The following NUFIP2 variants were observed in gnomAD, a reference collection of about 807,000 sequenced individuals.
The protein encoded by NUFIP2 is FMR1-interacting protein NUFIP2.
Under a neutral mutation model 56.9 loss-of-function variants are expected in NUFIP2, and 6 were observed. The ratio of observed to expected loss-of-function variants is 0.11; its 90% CI spans 0.06 to 0.21. The LOEUF is 0.21. Among genes scored for constraint, NUFIP2 ranks in the 10% least tolerant of loss-of-function variants. NUFIP2 has a pLI of 1.00. For missense variants in NUFIP2, 828 were observed against 826.8 expected, an observed-to-expected ratio of 1.00 and a Z score of -0.02; for synonymous variants, 321 against 298.2, an observed-to-expected ratio of 1.08 and a Z score of -0.79.
chr17:29,268,163 T>TG (rs1366868820), intron 2 of NUFIP2, among the ~76,000 whole-genome samples: 9 of 152,202 alleles, frequency 5.9e-5, no homozygotes, highest in Non-Finnish European at 4.4e-5. Flanking sequence ...CCTCCTAAAA[T>TG]GCTGGGATCA....
rs922684597 is a variant in NUFIP2, at chr17:29,273,619, G to A, written c.2003-6089C>T. ...ATATTTATTGAGAAATGCTCACAGG[G>A]CCAGACCTAATAGAACGTAAGTAAA... On this transcript the variant is annotated intron_variant, in intron 2 of 3. Transcript: ENST00000225388. Among the ~76,000 whole-genome samples the A allele has an allele frequency of 3.3e-5, 5 of 152,230 alleles. No homozygotes were observed. In the South Asian group the frequency reaches 8.3e-4, roughly 25 times the overall value.
In NUFIP2 at chr17:29,293,820, G is replaced by C. The variant is rs534274550; in HGVS notation, c.240C>G (p.Thr80=). Residue 80 remains threonine, a synonymous_variant, in exon 1 of 4, where the codon ACC becomes ACG. Coordinates refer to ENST00000225388, the MANE Select transcript of NUFIP2 (RefSeq NM_020772.3). ...TCGGCGTTTCCTGGTGCTGCTGGAG[G>C]GTGTGTTTCTGCTCATGTTTCAGCG... ...PKPLKHEQKH[T]LQQHQETPKK... 6.2e-7 allele frequency: 1 copy of C among 1,603,156 alleles called. No individual in the cohort carries two copies. The highest frequency in any genetic ancestry group is 8.5e-7 in the Non-Finnish European group (1 of 1,172,252).
intron 3 of NUFIP2, 21 bp from the exon 4 acceptor site, chr17:29,264,612 A>G (rs1288800416): frequency 1.4e-6 from 2 of 1,479,642 alleles, no homozygotes; most frequent in Non-Finnish European, 1.9e-6. Flanking sequence ...TAAAAAAATA[A>G]ATAAAAATAA....
At chr17:29,271,098 A>T (rs2069069408) in intron 2 of NUFIP2, among the ~76,000 whole-genome samples, 1 of 152,246 alleles carries the variant, frequency 6.6e-6, no homozygotes, top group Non-Finnish European at 1.5e-5. Context: ...CTATACATTT[A>T]AAAATGATTT....
intron 2 of NUFIP2, among the ~76,000 whole-genome samples, chr17:29,281,686 CT>C (rs1293995310): frequency 3.4e-5 from 3 of 87,016 alleles, no homozygotes; most frequent in Non-Finnish European, 4.2e-5. Context: ...GATCCTGTCT[CT>C]TTAAAAAAAA....
At position 29,294,123 on chromosome 17, in the gene NUFIP2, C is replaced by T. The variant is rs1011445521; in HGVS notation, c.-64G>A. 6.5e-7 allele frequency: 1 copy of T among 1,529,516 alleles called. No individual in the cohort carries two copies. The highest frequency in any genetic ancestry group is 1.9e-5 in the Admixed American group (1 of 51,322). 94.7% of individuals were successfully genotyped at this position (1,529,516 alleles called of 1,614,324 possible). On this transcript the variant is annotated 5_prime_UTR_variant, in exon 1 of 4. Transcript: ENST00000225388. ...GCTGCACCGTCAGGATCTGAGACTG[C>T]TTCTCAGGGCTCACTCAGTATATCT...
chr17:29,282,368 G>A (rs1168356614), intron 2 of NUFIP2, among the ~76,000 whole-genome samples: 1 of 151,666 alleles, frequency 6.6e-6, no homozygotes, highest in Non-Finnish European at 1.5e-5. Flanking sequence ...GACCAACACG[G>A]TAAAACCCTG....
chr17:29,285,602 C>CACAAA (rs895191924), intron 2 of NUFIP2, among the ~76,000 whole-genome samples: 1 of 151,724 alleles, frequency 6.6e-6, no homozygotes, highest in Admixed American at 6.6e-5. Context: ...AGAAAAAAAA[C>CACAAA]ACAAAACAAA....
At chr17:29,265,967 A>G (rs999587570) in intron 3 of NUFIP2, among the ~76,000 whole-genome samples, 13 of 152,132 alleles carry the variant, frequency 8.5e-5, no homozygotes, top group Admixed American at 1.3e-4. Flanking sequence ...TTTGCAGGGT[A>G]TATTTTCTTT....
chr17:29,278,725 A>G (rs1319411027), intron 2 of NUFIP2, among the ~76,000 whole-genome samples: 1 of 152,098 alleles, frequency 6.6e-6, no homozygotes. Flanking sequence ...TTTCCCTCAC[A>G]CTCAGGACTT....
rs1266044861 is a variant in NUFIP2 at position 29,261,647 on chromosome 17, T to A, written c.*2892A>T. 3 of 152,558 alleles carry A rather than the reference T, an allele frequency of 2.0e-5. No individual in the cohort carries two copies. The highest frequency in any genetic ancestry group is 1.9e-4 in the East Asian group (1 of 5,202). The allele number at this position is 152,558 out of a possible 1,614,324, so 9.5% of individuals were successfully genotyped here. On this transcript the variant is annotated 3_prime_UTR_variant, in exon 4 of 4. Transcript: ENST00000225388. ...CAGATCAACTCTTAAGATTTTTTTT[T>A]AATAAGTGCTCTGTAAGGAATTGTG... is the stretch of plus-strand genomic sequence containing the variant.
In NUFIP2 at chr17:29,263,093, T is replaced by C. The variant is rs1567674593; in HGVS notation, c.*1446A>G. On this transcript the variant is annotated 3_prime_UTR_variant, in exon 4 of 4. Transcript: ENST00000225388. ...TATTTTAACCTGTATTTGACATACA[T>C]GGATATACTAATTTCTGTGTGTGTG... 1 of 152,582 alleles carries C rather than the reference T, an allele frequency of 6.6e-6. No individual in the cohort carries two copies. Among genetic ancestry groups the C allele is most frequent in the Admixed American group, 6.5e-5 (1 of 15,270 alleles). 9.5% of individuals were successfully genotyped at this position (152,582 alleles called of 1,614,324 possible).
At position 29,260,616 on chromosome 17, in the gene NUFIP2, G is replaced by C. The variant is rs926461898; in HGVS notation, c.*3923C>G. The stretch of plus-strand genomic sequence containing the variant: ...AGCAATTACAAAAGATAAATCATTA[G>C]ATGCCTCTGATGTGGGGAAGCAACA... On this transcript the variant is annotated 3_prime_UTR_variant, in exon 4 of 4. Transcript: ENST00000225388. The C allele has an allele frequency of 1.3e-5, 2 of 152,132 alleles. No homozygotes were observed. The highest frequency in any genetic ancestry group is 2.4e-5 in the African/African-American group (1 of 41,422). 9.4% of individuals were successfully genotyped at this position (152,132 alleles called of 1,614,324 possible).
At chr17:29,272,480 TCTGCCCGCC>T (rs1440242849) in intron 2 of NUFIP2, among the ~76,000 whole-genome samples, 2 of 152,154 alleles carry the variant, frequency 1.3e-5, no homozygotes, top group Non-Finnish European at 2.9e-5. Flanking sequence ...GACCTTGTGA[TCTGCCCGCC>T]CTGGCCTCCC....
intron 2 of NUFIP2, among the ~76,000 whole-genome samples, chr17:29,274,909 T>C (rs990686203): frequency 1.3e-5 from 2 of 152,124 alleles, no homozygotes; most frequent in Non-Finnish European, 2.9e-5. Flanking sequence ...AAAATTGGGT[T>C]AATGCTAATT....
rs761353063 is a variant in NUFIP2 at position 29,258,956 on chromosome 17, G to T, written c.*5583C>A. On this transcript the variant is annotated 3_prime_UTR_variant, in exon 4 of 4. Transcript: ENST00000225388. ...AGATCATGAAAGGATCCTCCTCTAT[G>T]AAGGATAAATGAAAACAGATTAATA... 4.6e-5 allele frequency: 7 copies of T among 152,134 alleles called. No individual in the cohort carries two copies. Among genetic ancestry groups the T allele is most frequent in the Non-Finnish European group, 1.0e-4 (7 of 68,022 alleles). 9.4% of individuals were successfully genotyped at this position (152,134 alleles called of 1,614,324 possible). A position where few individuals can be genotyped will look rare whatever the true frequency, so the allele number is the denominator to read the frequency against.
chr17:29,261,582 C>T lies in NUFIP2; in HGVS notation c.*2957G>A, dbSNP rs536974611. 2.0e-5 allele frequency: 3 copies of T among 152,510 alleles called. No individual in the cohort carries two copies. The South Asian group carries it at 6.2e-4, about 32-fold the overall frequency. The allele number at this position is 152,510 out of a possible 1,614,324, so 9.4% of individuals were successfully genotyped here. On this transcript the variant is annotated 3_prime_UTR_variant, in exon 4 of 4. Transcript: ENST00000225388. ...TTTAAATGTGCTAAATTAATCACAGCTGAAGTTTGTTTAGAAGCTTACACA... is the reference window on the plus strand; with the variant it reads ...TTTAAATGTGCTAAATTAATCACAGTTGAAGTTTGTTTAGAAGCTTACACA...
intron 3 of NUFIP2, among the ~76,000 whole-genome samples, chr17:29,266,761 GA>G (rs542902593): frequency 1.3e-5 from 2 of 151,232 alleles, no homozygotes; most frequent in African/African-American, 4.9e-5. Flanking sequence ...ACCAGGAGGG[GA>G]AAAAAATCAT....
intron 2 of NUFIP2, among the ~76,000 whole-genome samples, chr17:29,281,865 C>T (rs1318623354): frequency 5.3e-5 from 8 of 151,072 alleles, no homozygotes; most frequent in East Asian, 4.0e-4. Flanking sequence ...CCCGGGTTCA[C>T]GCCATTCTCC....
Sources: allele counts gnomAD v4.1 joint callset (sites outside exome capture counted in the v4.1 genomes callset), GRCh38; gene constraint gnomAD v4.1.1; transcripts MANE v1.5; gene names NCBI Gene and HGNC (gene_info 2026-07-23, HGNC 2026-07-21).